FANCD2OS: variants seen among roughly 807,000 people sequenced by gnomAD.
FANCD2OS encodes the protein FANCD2 opposite strand.
In FANCD2OS, 11 loss-of-function variants were observed where a neutral mutation model predicts 13.2. The observed-to-expected ratio is 0.83, with a 90% CI of 0.52 to 1.38. FANCD2OS has a LOEUF of 1.38. Ranked by LOEUF, FANCD2OS falls within the 40% of genes most tolerant of loss-of-function variation. The probability of loss-of-function intolerance (pLI) is 0.00; values close to 1 mark genes in which losing one functional copy is unlikely to be tolerated. For synonymous variants in FANCD2OS, 69 were observed against 84.5 expected, an observed-to-expected ratio of 0.82 and a Z score of 1.01; for missense variants, 217 against 213.9, an observed-to-expected ratio of 1.01 and a Z score of -0.09.
chr3:10,092,841 G>A (rs1404920218), intron 2 of FANCD2OS, among the ~76,000 whole-genome samples: 5 of 151,734 alleles, frequency 3.3e-5, no homozygotes, highest in African/African-American at 1.2e-4. Context: ...ACAGGAACAT[G>A]CCACCACACC....
rs1483900288 is a variant in FANCD2OS, at chr3:10,104,225, A to T, written c.*16T>A. ...AAGGGCATGGTGTGAGTAAATGGGG[A>T]TCAAATGAGGACCCTTTACTTGGAG... On this transcript the variant is annotated 3_prime_UTR_variant, in exon 2 of 2. Transcript: ENST00000450660. 1 of 1,582,458 alleles carries T rather than the reference A, an allele frequency of 6.3e-7. No individual in the cohort carries two copies. The highest frequency in any genetic ancestry group is 8.6e-7 in the Non-Finnish European group (1 of 1,164,230).
In FANCD2OS at chr3:10,088,704, T is replaced by C. The variant is rs2241276; in HGVS notation, c.*44-7173A>G. ...GGAACATGTGGATCTTAAGATCCTC[T>C]GGTTCTGTTTTATACTGTTAGCTAA... On this transcript the variant is annotated intron_variant, in intron 2 of 2. Transcript: ENST00000524279. The C allele has an allele frequency of 1.2e-3, 1,427 of 1,165,000 alleles. 29 individuals carry two copies. The East Asian group carries it at 0.03, about 24-fold the overall frequency. 72.2% of individuals were successfully genotyped at this position (1,165,000 alleles called of 1,614,324 possible). A position where few individuals can be genotyped will look rare whatever the true frequency, so the allele number is the denominator to read the frequency against.
chr3:10,081,635 C>G lies in FANCD2OS; in HGVS notation c.*44-104G>C, dbSNP rs34175149. 4.4e-6 allele frequency: 3 copies of G among 683,212 alleles called. No homozygotes were observed. In the African/African-American group the frequency reaches 5.3e-5, roughly 12 times the overall value. The allele number at this position is 683,212 out of a possible 1,614,324, so 42.3% of individuals were successfully genotyped here. ...CTGTATTATTTCATTTGATCTTGTACCCTCTGAGTCCTTTGGAGCCACTAT... is the reference window on the plus strand; with the variant it reads ...CTGTATTATTTCATTTGATCTTGTAGCCTCTGAGTCCTTTGGAGCCACTAT... On this transcript the variant is annotated intron_variant, in intron 2 of 2. Transcript: ENST00000524279.
intron 1 of FANCD2OS, among the ~76,000 whole-genome samples, chr3:10,107,067 A>G (rs1305029368): frequency 2.6e-5 from 4 of 152,148 alleles, no homozygotes; most frequent in Admixed American, 1.3e-4. Flanking sequence ...CTGCCTTAGA[A>G]TGAGAAAGGG....
At chr3:10,085,275 A>C (rs141824868) in intron 2 of FANCD2OS, among the ~76,000 whole-genome samples, 9 of 152,290 alleles carry the variant, frequency 5.9e-5, no homozygotes, top group Non-Finnish European at 1.2e-4. Context: ...AAAGAAACCT[A>C]TGAAGACTTC....
chr3:10,101,199 AGAC>A, downstream of FANCD2OS: 1 of 1,613,040 alleles, frequency 6.2e-7, no homozygotes, highest in Non-Finnish European at 8.5e-7. Context: ...ATGGTGAAGA[AGAC>A]GAAGTAAGTG....
chr3:10,086,075 G>C (rs975960824), intron 2 of FANCD2OS, among the ~76,000 whole-genome samples: 6 of 152,198 alleles, frequency 3.9e-5, no homozygotes, highest in African/African-American at 1.2e-4. Context: ...TCTCATCTAT[G>C]TATTCTGATA....
chr3:10,096,301 A>G (rs1694955705), intron 2 of FANCD2OS: 2 of 1,613,010 alleles, frequency 1.2e-6, no homozygotes, highest in Non-Finnish European at 1.7e-6. Flanking sequence ...CTCACAAAAG[A>G]TGGATGTTAT....
At chr3:10,102,212 C>G (rs1380631321), downstream of FANCD2OS, among the ~76,000 whole-genome samples, 5 of 148,736 alleles carry the variant, frequency 3.4e-5, no homozygotes, top group African/African-American at 1.2e-4. Flanking sequence ...GGCACGATCT[C>G]AGCTCACTGC....
In FANCD2OS at chr3:10,092,431, A is replaced by AT. The variant is rs35070534; in HGVS notation, c.*44-10901dup. Among the ~76,000 whole-genome samples, 25,984 of 144,836 alleles carry AT rather than the reference A, an allele frequency of 0.18. 3,145 individuals carry two copies. The highest frequency in any genetic ancestry group is 0.35 in the African/African-American group (13,741 of 39,810). Reference sequence around the variant, plus strand: ...TGGATAACCCCTTTTCTCACTAGGCATTTTTTTTTTTGTCTTTTCCTTCCT... The same window carrying AT: ...TGGATAACCCCTTTTCTCACTAGGCATTTTTTTTTTTTGTCTTTTCCTTCCT... On this transcript the variant is annotated intron_variant, in intron 2 of 2. Transcript: ENST00000524279.
chr3:10,093,693 C>T (rs1436683675), intron 2 of FANCD2OS, among the ~76,000 whole-genome samples: 4 of 152,142 alleles, frequency 2.6e-5, no homozygotes, highest in Admixed American at 2.6e-4. Context: ...ATCTGATATC[C>T]TGATAATTGC....
chr3:10,107,596 CT>C (rs1333943491), intron 1 of FANCD2OS, among the ~76,000 whole-genome samples: 1 of 151,964 alleles, frequency 6.6e-6, no homozygotes, highest in East Asian at 2.0e-4. Flanking sequence ...CCCCCGGATC[CT>C]TTTCTTGCCA....
chr3:10,098,333 A>G (rs34179822), downstream of FANCD2OS, among the ~76,000 whole-genome samples: 36,760 of 152,066 alleles, frequency 0.24, 5,948 homozygotes, highest in African/African-American at 0.46. Context: ...CCACCTCACC[A>G]TACTGTCCTT....
At chr3:10,092,684 CTTTTTT>C (rs565351425) in intron 2 of FANCD2OS, among the ~76,000 whole-genome samples, 2 of 72,050 alleles carry the variant, frequency 2.8e-5, no homozygotes, top group African/African-American at 1.8e-4. Flanking sequence ...TCTTTCATGT[CTTTTTT>C]TTTTTTTTTT....
At chr3:10,088,743 A>C (rs1021210267) in intron 2 of FANCD2OS, 91 of 1,446,928 alleles carry the variant, frequency 6.3e-5, no homozygotes, top group Non-Finnish European at 8.1e-5. Context: ...CTTATTGTTA[A>C]TTCAGATCAT....
downstream of FANCD2OS, among the ~76,000 whole-genome samples, chr3:10,100,806 A>G (rs1695255892): frequency 6.6e-6 from 1 of 152,192 alleles, no homozygotes; most frequent in African/African-American, 2.4e-5. Context: ...GCAATGGCTC[A>G]CGCCTGTAAT....
downstream of FANCD2OS, among the ~76,000 whole-genome samples, chr3:10,102,342 A>G (rs547520016): frequency 7.9e-5 from 12 of 151,236 alleles, no homozygotes; most frequent in East Asian, 2.4e-3. Flanking sequence ...ACAGGGTTTC[A>G]CCATATTGAC....
chr3:10,090,219 G>A, intron 2 of FANCD2OS: 1 of 1,112,960 alleles, frequency 9.0e-7, no homozygotes, highest in Non-Finnish European at 1.4e-6. Context: ...GCTACTTTTG[G>A]TTCCTGGTTC....
chr3:10,090,729 A>G (rs1342567586), intron 2 of FANCD2OS, among the ~76,000 whole-genome samples: 1 of 152,194 alleles, frequency 6.6e-6, no homozygotes, highest in African/African-American at 2.4e-5. Context: ...AAGTGCTGAG[A>G]TTACAGACGT....
Sources: allele counts gnomAD v4.1 joint callset (sites outside exome capture counted in the v4.1 genomes callset), GRCh38; gene constraint gnomAD v4.1.1; transcripts MANE v1.5; gene names NCBI Gene and HGNC (gene_info 2026-07-23, HGNC 2026-07-21).